Variants in HIRA observed in about 807,000 individuals in gnomAD.
HIRA encodes histone cell cycle regulator.
A neutral mutation model predicts 126.6 loss-of-function variants in HIRA; 13 were observed. The ratio of observed to expected loss-of-function variants is 0.10; its 90% CI spans 0.07 to 0.16. HIRA has a LOEUF of 0.16. HIRA is among the 10% of genes least tolerant of loss of function. The pLI is 1.00. For synonymous variants in HIRA, 511 were observed against 520.0 expected, an observed-to-expected ratio of 0.98 and a Z score of 0.24; for missense variants, 834 against 1,314.4, an observed-to-expected ratio of 0.63 and a Z score of 5.65.
Position 19,336,308 on chromosome 22 carries a change from AG to A in HIRA, c.2938-4753del, listed in dbSNP as rs1556005932. On this transcript the variant is annotated intron_variant, in intron 24 of 24. Coordinates refer to ENST00000263208, the MANE Select transcript of HIRA (RefSeq NM_003325.4). ...TCAGGAACCACTGCAAAAGCACACC[AG>A]GAAGACCGAAAGAAATCACAGATCC... is the stretch of plus-strand genomic sequence containing the variant. 2.0e-5 allele frequency among the ~76,000 whole-genome samples: 3 copies of A among 152,364 alleles called. No homozygotes were observed. The South Asian group carries it at 6.2e-4, about 32-fold the overall frequency.
chr22:19,376,342 C>G (rs2089018712), intron 14 of HIRA, among the ~76,000 whole-genome samples: 1 of 152,186 alleles, frequency 6.6e-6, no homozygotes, highest in Admixed American at 6.5e-5. Context: ...TTCTATTCCA[C>G]AGAGAAAGGA....
intron 1 of HIRA, among the ~76,000 whole-genome samples, chr22:19,427,290 G>T (rs1192878905): frequency 6.6e-6 from 1 of 152,186 alleles, no homozygotes; most frequent in Non-Finnish European, 1.5e-5. Flanking sequence ...CAACTGCCAT[G>T]TTTATCTCTC....
At position 19,422,171 on chromosome 22, in the gene HIRA, T is replaced by TATACAC. The variant is rs1556028840; in HGVS notation, c.37+9268_37+9269insGTGTAT. On this transcript the variant is annotated intron_variant, in intron 1 of 24. Coordinates refer to ENST00000263208, the MANE Select transcript of HIRA (RefSeq NM_003325.4). ...TACCTGAAAAGAATGTGTTTATATA[T>TATACAC]ACACACACACACACACACACACATA... 6.6e-3 allele frequency among the ~76,000 whole-genome samples: 952 copies of TATACAC among 143,180 alleles called. 8 individuals carry two copies. The highest frequency in any genetic ancestry group is 0.01 in the Non-Finnish European group (666 of 66,000). The allele number at this position is 143,180 out of a possible 152,430, so 93.9% of individuals were successfully genotyped here.
chr22:19,382,249 A>G (rs2089080351), intron 13 of HIRA, among the ~76,000 whole-genome samples: 3 of 152,178 alleles, frequency 2.0e-5, no homozygotes, highest in Admixed American at 6.5e-5. Flanking sequence ...GCCCCAGACC[A>G]GTTAGGAAGC....
chr22:19,390,139 C>G (rs2089164898), intron 9 of HIRA, among the ~76,000 whole-genome samples: 1 of 152,158 alleles, frequency 6.6e-6, no homozygotes, highest in Non-Finnish European at 1.5e-5. Flanking sequence ...GCACACCAGC[C>G]CCTGGCAGTG....
In HIRA at chr22:19,375,697, G is replaced by T; in HGVS notation, c.1709C>A (p.Thr570Lys). Residue 570 changes from threonine to lysine, a missense_variant, in exon 15 of 25, where the codon ACA becomes AAA. Transcript: ENST00000263208. Reference protein sequence around the residue: ...EPMKAFDSRFTERSKATPGAP... With the variant: ...EPMKAFDSRFKERSKATPGAP... Reference sequence around the variant, plus strand: ...ACCTGGTGTGGCTTTGGACCGCTCTGTGAACCGGGAGTCAAACGCTTTCAT... The same window carrying T: ...ACCTGGTGTGGCTTTGGACCGCTCTTTGAACCGGGAGTCAAACGCTTTCAT... 1.2e-6 allele frequency: 2 copies of T among 1,614,218 alleles called. No homozygotes were observed.
intron 1 of HIRA, among the ~76,000 whole-genome samples, chr22:19,430,665 A>G (rs531739476): frequency 6.6e-6 from 1 of 151,906 alleles, no homozygotes; most frequent in Non-Finnish European, 1.5e-5. Flanking sequence ...CGCTTTTTTC[A>G]TCTACCCGGG....
Position 19,407,237 on chromosome 22 carries a change from C to T in HIRA, c.249G>A (p.Met83Ile). 2 of 1,614,058 alleles carry T rather than the reference C, an allele frequency of 1.2e-6. No individual in the cohort carries two copies. Among genetic ancestry groups the T allele is most frequent in the Non-Finnish European group, 1.7e-6 (2 of 1,179,996 alleles). ...TGTCATCTCCCCCAGAAGCTAAATACATCCCACTGTTTGACCACCGCACAC... is the reference window on the plus strand; with the variant it reads ...TGTCATCTCCCCCAGAAGCTAAATATATCCCACTGTTTGACCACCGCACAC... ...VNCVRWSNSG[M>I]YLASGGDDKL... Residue 83 changes from methionine (M) to isoleucine (I), a missense_variant, in exon 4 of 25, where the codon ATG (methionine) becomes ATA (isoleucine). Coordinates refer to ENST00000263208, the MANE Select transcript of HIRA (RefSeq NM_003325.4).
At chr22:19,412,227 A>G (rs1250998657) in intron 1 of HIRA, among the ~76,000 whole-genome samples, 1 of 152,146 alleles carries the variant, frequency 6.6e-6, no homozygotes, top group African/African-American at 2.4e-5. Flanking sequence ...AAGAGGCCCA[A>G]GCTGGCCACA....
At chr22:19,348,012 C>T (rs1041539696) in intron 24 of HIRA, among the ~76,000 whole-genome samples, 28 of 152,350 alleles carry the variant, frequency 1.8e-4, no homozygotes, top group African/African-American at 6.5e-4. Context: ...GCCCTGTTAA[C>T]TTACCCCTCC....
intron 13 of HIRA, among the ~76,000 whole-genome samples, chr22:19,379,657 T>C (rs2099978307): frequency 6.6e-6 from 1 of 150,382 alleles, no homozygotes; most frequent in African/African-American, 2.4e-5. Flanking sequence ...ATACTTGATT[T>C]CTTTTTTTTT....
intron 1 of HIRA, among the ~76,000 whole-genome samples, chr22:19,412,363 C>T (rs1304367272): frequency 6.6e-6 from 1 of 152,228 alleles, no homozygotes; most frequent in Non-Finnish European, 1.5e-5. Context: ...TGAGCTGAAC[C>T]TGCTAAGTCC....
At chr22:19,375,378 T>C (rs1198770755) in intron 15 of HIRA, among the ~76,000 whole-genome samples, 2 of 152,212 alleles carry the variant, frequency 1.3e-5, no homozygotes, top group East Asian at 1.9e-4. Context: ...GACCAATCCT[T>C]GTGCCTTTGA....
intron 8 of HIRA, among the ~76,000 whole-genome samples, chr22:19,393,426 C>T (rs2089198428): frequency 6.6e-6 from 1 of 152,086 alleles, no homozygotes; most frequent in Admixed American, 6.5e-5. Flanking sequence ...GGCGCAATCT[C>T]AGCTCACTGC....
intron 1 of HIRA, among the ~76,000 whole-genome samples, chr22:19,429,899 C>T (rs181063474): frequency 7.0e-4 from 106 of 152,250 alleles, no homozygotes; most frequent in Non-Finnish European, 1.4e-3. Flanking sequence ...TTTTTCCTTT[C>T]CTAATCACAA....
In HIRA at chr22:19,370,566, A is replaced by T. The variant is rs1359512918; in HGVS notation, c.1775+5065T>A. On this transcript the variant is annotated intron_variant, in intron 15 of 24. Transcript: ENST00000263208. ...CCAGGCCTCCAGTGATGGGTGTTTT[A>T]AAGGGCTCCTCCTGGTTTTCATTGA... 2.6e-5 allele frequency among the ~76,000 whole-genome samples: 4 copies of T among 152,338 alleles called. No homozygotes were observed. In the East Asian group the frequency reaches 7.7e-4, roughly 29 times the overall value.
chr22:19,361,840 C>A lies in HIRA; in HGVS notation c.1867G>T (p.Ala623Ser), dbSNP rs777434726. Reference protein sequence around the residue: ...DSDEKVPLAKASSLSKRKLEL... With the variant: ...DSDEKVPLAKSSSLSKRKLEL... Reference sequence around the variant, plus strand: ...AGTTTTCGCTTGGACAGTGAGGAAGCCTTAGCCAAAGGGACTTTCTCATCG... The same window carrying A: ...AGTTTTCGCTTGGACAGTGAGGAAGACTTAGCCAAAGGGACTTTCTCATCG... Residue 623 changes from alanine (A) to serine (S), a missense_variant, in exon 16 of 25, where the codon GCT becomes TCT. Ala to Ser is a moderately conservative substitution (Grantham distance 99). Transcript: ENST00000263208. The A allele has an allele frequency of 1.2e-6, 2 of 1,614,034 alleles. No homozygotes were observed. Among genetic ancestry groups the A allele is most frequent in the African/African-American group, 1.3e-5 (1 of 74,930 alleles).
chr22:19,405,005 G>A (rs3788298), intron 5 of HIRA, among the ~76,000 whole-genome samples: 20,150 of 152,146 alleles, frequency 0.13, 2,764 homozygotes, highest in African/African-American at 0.35. Context: ...AAAGCTTTTA[G>A]TGGCTCCCTA....
chr22:19,357,282 G>A (rs963304350), intron 18 of HIRA, among the ~76,000 whole-genome samples: 8 of 152,236 alleles, frequency 5.3e-5, no homozygotes, highest in African/African-American at 1.4e-4. Flanking sequence ...GGCTGCCTGC[G>A]CTTTCCTGAG....
Sources: allele counts gnomAD v4.1 joint callset (sites outside exome capture counted in the v4.1 genomes callset), GRCh38; gene constraint gnomAD v4.1.1; transcripts MANE v1.5; gene names NCBI Gene and HGNC (gene_info 2026-07-23, HGNC 2026-07-21).